SCRG1: variants seen among roughly 807,000 people sequenced by gnomAD.
SCRG1 encodes scrapie-responsive protein 1.
Under a neutral mutation model 7.7 loss-of-function variants are expected in SCRG1, and 3 were observed. The observed-to-expected ratio is 0.39, with a 90% CI of 0.18 to 1.01. The LOEUF is 1.01. SCRG1 is among the 50% of genes least tolerant of loss of function. The pLI, the probability that SCRG1 is intolerant of heterozygous loss-of-function variation, is 0.36. For synonymous variants in SCRG1, 46 were observed against 41.2 expected (o/e 1.12, Z -0.44); for missense variants, 110 against 117.2 (o/e 0.94, Z 0.28).
upstream of SCRG1, among the ~76,000 whole-genome samples, chr4:173,403,755 A>C (rs980013776): frequency 4.7e-4 from 71 of 152,314 alleles, no homozygotes; most frequent in African/African-American, 1.7e-3. Flanking sequence ...GGCAGTCTCT[A>C]AGGGGCATTG....
At chr4:173,485,049 A>T in the SCRG1 span, among the ~76,000 whole-genome samples, 5 of 29,456 alleles carry the variant, frequency 1.7e-4, no homozygotes, top group Admixed American at 7.7e-4. Context: ...TATATTATAT[A>T]ATATATTATA....
the SCRG1 span, among the ~76,000 whole-genome samples, chr4:173,497,947 G>A: frequency 6.6e-6 from 1 of 152,016 alleles, no homozygotes; most frequent in South Asian, 2.1e-4. Context: ...CCCAAAGTGC[G>A]GGGATTACAG....
At chr4:173,511,492 A>G in the SCRG1 span, among the ~76,000 whole-genome samples, 9 of 151,188 alleles carry the variant, frequency 6.0e-5, no homozygotes, top group African/African-American at 2.2e-4. This position sits in a 1 kb window ranked among gnomAD's most constrained non-coding sequence, Gnocchi z 5.2. Flanking sequence ...CTCTTTATTT[A>G]TGCCTTTATC....
chr4:173,473,830 G>A, the SCRG1 span, among the ~76,000 whole-genome samples: 1 of 152,206 alleles, frequency 6.6e-6, no homozygotes, highest in African/African-American at 2.4e-5. Flanking sequence ...GGCAGTCATG[G>A]CAGATAATGG....
the SCRG1 span, among the ~76,000 whole-genome samples, chr4:173,517,713 G>A: frequency 2.0e-5 from 3 of 152,252 alleles, no homozygotes; most frequent in Admixed American, 1.3e-4. Flanking sequence ...CATCAAAAGA[G>A]TGGCATCTGA....
chr4:173,453,137 G>A, the SCRG1 span, among the ~76,000 whole-genome samples: 6 of 152,194 alleles, frequency 3.9e-5, no homozygotes, highest in Non-Finnish European at 7.3e-5. Flanking sequence ...AGCACATGAC[G>A]TAAGTTGCAT....
At chr4:173,423,981 A>G in the SCRG1 span, among the ~76,000 whole-genome samples, 1 of 152,224 alleles carries the variant, frequency 6.6e-6, no homozygotes, top group Non-Finnish European at 1.5e-5. Flanking sequence ...GCACACTCCC[A>G]TTATAACTAA....
the SCRG1 span, among the ~76,000 whole-genome samples, chr4:173,442,115 A>G: frequency 6.6e-6 from 1 of 152,226 alleles, no homozygotes; most frequent in African/African-American, 2.4e-5. Context: ...ATTCCCTGAC[A>G]GCTGCACTCT....
the SCRG1 span, among the ~76,000 whole-genome samples, chr4:173,482,017 GATTAA>G: frequency 6.6e-6 from 1 of 152,030 alleles, no homozygotes; most frequent in African/African-American, 2.4e-5. Context: ...AGAGTATATG[GATTAA>G]ATTAAATATT....
chr4:173,518,672 G>A, the SCRG1 span, among the ~76,000 whole-genome samples: 2 of 152,240 alleles, frequency 1.3e-5, no homozygotes, highest in East Asian at 3.9e-4. Context: ...CGCCTTCACC[G>A]TTTCCCAATC....
At chr4:173,514,045 G>A in the SCRG1 span, among the ~76,000 whole-genome samples, 1 of 152,186 alleles carries the variant, frequency 6.6e-6, no homozygotes, top group Non-Finnish European at 1.5e-5. Flanking sequence ...GGAGGAGGAT[G>A]TTACCTACTG....
chr4:173,440,448 G>C, the SCRG1 span, among the ~76,000 whole-genome samples: 1 of 152,174 alleles, frequency 6.6e-6, no homozygotes, highest in African/African-American at 2.4e-5. Flanking sequence ...TGCCAGTCCT[G>C]GCTTGATTGG....
chr4:173,459,792 C>T, the SCRG1 span, among the ~76,000 whole-genome samples: 1 of 151,900 alleles, frequency 6.6e-6, no homozygotes, highest in East Asian at 1.9e-4. Flanking sequence ...TTAATGGGTA[C>T]GAAAGTACAG....
chr4:173,411,050 A>G (rs546563716), upstream of SCRG1, among the ~76,000 whole-genome samples: 7 of 152,246 alleles, frequency 4.6e-5, no homozygotes, highest in African/African-American at 1.2e-4. Context: ...TGGGATTCCA[A>G]CTTCCTCCTT....
the SCRG1 span, among the ~76,000 whole-genome samples, chr4:173,437,220 G>A: frequency 6.6e-6 from 1 of 152,008 alleles, no homozygotes; most frequent in Non-Finnish European, 1.5e-5. Context: ...CAATCTTAGG[G>A]CAATTTACTA....
chr4:173,457,341 A>G, the SCRG1 span, among the ~76,000 whole-genome samples: 1 of 152,230 alleles, frequency 6.6e-6, no homozygotes. Flanking sequence ...AATGTTGATG[A>G]CACTCAGAAG....
the SCRG1 span, among the ~76,000 whole-genome samples, chr4:173,447,879 C>T: frequency 5.3e-5 from 8 of 151,980 alleles, no homozygotes; most frequent in South Asian, 2.1e-4. Context: ...CCGAGGCAGG[C>T]GAATCACCTG....
At chr4:173,398,795 A>G (rs1739673582) in intron 1 of SCRG1, among the ~76,000 whole-genome samples, 1 of 152,234 alleles carries the variant, frequency 6.6e-6, no homozygotes, top group Admixed American at 6.5e-5. Context: ...GGCATTAAAT[A>G]AATGATAGTG....
At chr4:173,485,502 C>T in the SCRG1 span, among the ~76,000 whole-genome samples, 712 of 151,768 alleles carry the variant, frequency 4.7e-3, 4 homozygotes, top group African/African-American at 0.016. Flanking sequence ...AGAAGAACTA[C>T]CAGCTGGGCC....
Sources: gnomAD v4.1 joint callset for allele counts (sites outside exome capture counted in the v4.1 genomes callset) on GRCh38, gnomAD v4.1.1 for gene constraint, Gnocchi (gnomAD v3.1) non-coding constraint, MANE v1.5 for transcripts, NCBI Gene and HGNC (gene_info 2026-07-23, HGNC 2026-07-21) for gene names.